Variants in IPO11 observed in about 807,000 individuals in gnomAD.
IPO11 encodes the protein importin-11.
Under a neutral mutation model 143.2 loss-of-function variants are expected in IPO11, and 66 were observed. The ratio of observed to expected loss-of-function variants is 0.46; its 90% CI spans 0.38 to 0.57. The LOEUF (loss-of-function observed/expected upper bound fraction) is 0.57, where lower values mean the gene tolerates loss of function less well. Ranked by LOEUF, IPO11 falls within the 20% of genes least tolerant of loss-of-function variation. The probability of loss-of-function intolerance (pLI) is 0.00; values close to 1 mark genes in which losing one functional copy is unlikely to be tolerated. For missense variants in IPO11, 1,026 were observed against 1,141.0 expected (o/e 0.90, Z 1.45); for synonymous variants, 385 against 377.8 (o/e 1.02, Z -0.22).
At chr5:62,462,330 A>G (rs1745389388) in intron 5 of IPO11, among the ~76,000 whole-genome samples, 1 of 152,058 alleles carries the variant, frequency 6.6e-6, no homozygotes, top group Non-Finnish European at 1.5e-5. Flanking sequence ...AACCTTTGGT[A>G]TAGTATTCAG....
At chr5:62,421,063 C>T (rs1293138990) in intron 1 of IPO11, among the ~76,000 whole-genome samples, 1 of 152,126 alleles carries the variant, frequency 6.6e-6, no homozygotes, top group East Asian at 1.9e-4. Flanking sequence ...GTAATTTTTG[C>T]TAGTCTGATC....
intron 2 of IPO11, among the ~76,000 whole-genome samples, chr5:62,439,591 CT>C (rs772635565): frequency 2.3e-3 from 325 of 140,100 alleles, no homozygotes; most frequent in Non-Finnish European, 2.5e-3. Flanking sequence ...CTGGCCCAGT[CT>C]TTTTTTTTTT....
At chr5:62,584,012 A>G (rs1561373723) in intron 27 of IPO11, among the ~76,000 whole-genome samples, 1 of 152,184 alleles carries the variant, frequency 6.6e-6, no homozygotes, top group South Asian at 2.1e-4. Flanking sequence ...GAGTATTACA[A>G]ATTGTAATTA....
intron 9 of IPO11, among the ~76,000 whole-genome samples, chr5:62,480,309 C>T (rs186462724): frequency 3.9e-5 from 6 of 152,176 alleles, no homozygotes; most frequent in South Asian, 2.1e-4. Context: ...TCTCTGTTTT[C>T]GTACCAGTAC....
intron 27 of IPO11, chr5:62,578,804 A>G: frequency 2.3e-6 from 1 of 435,786 alleles, no homozygotes; most frequent in Non-Finnish European, 4.6e-6. Context: ...AAAAAAAAAA[A>G]AAAAAAGTGG....
chr5:62,566,702 C>T (rs1743950498), intron 27 of IPO11, among the ~76,000 whole-genome samples: 1 of 148,520 alleles, frequency 6.7e-6, no homozygotes, highest in Middle Eastern at 3.6e-3. Flanking sequence ...CGTACCACTG[C>T]ACTCCAGCCT....
intron 5 of IPO11, among the ~76,000 whole-genome samples, chr5:62,464,661 A>G (rs921233916): frequency 4.6e-5 from 7 of 151,688 alleles, no homozygotes; most frequent in East Asian, 2.0e-4. Context: ...TGTACTTTTT[A>G]TAGAGACCGT....
intron 16 of IPO11, among the ~76,000 whole-genome samples, chr5:62,503,393 T>C (rs35555674): frequency 0.012 from 1,474 of 123,532 alleles, 38 homozygotes; most frequent in African/African-American, 0.036. Context: ...ATAGTATCTA[T>C]TAATATATTA....
At chr5:62,564,915 G>C (rs958768992) in intron 27 of IPO11, among the ~76,000 whole-genome samples, 1 of 152,196 alleles carries the variant, frequency 6.6e-6, no homozygotes, top group Non-Finnish European at 1.5e-5. Context: ...CCATGGTCAA[G>C]TTACTTAACT....
At chr5:62,525,423 A>G (rs1034523994) in intron 20 of IPO11, among the ~76,000 whole-genome samples, 2 of 149,458 alleles carry the variant, frequency 1.3e-5, no homozygotes, top group Non-Finnish European at 3.0e-5. Context: ...TTTATCATGT[A>G]GGTTGGAGTG....
intron 29 of IPO11, among the ~76,000 whole-genome samples, chr5:62,621,745 G>T (rs1746385011): frequency 6.6e-6 from 1 of 152,162 alleles, no homozygotes; most frequent in African/African-American, 2.4e-5. Context: ...GGAAAAGCAG[G>T]CTAAATGAAC....
intron 2 of IPO11, among the ~76,000 whole-genome samples, chr5:62,439,667 C>T (rs1744389758): frequency 6.6e-6 from 1 of 151,950 alleles, no homozygotes; most frequent in Admixed American, 6.6e-5. Flanking sequence ...AATGATCCTC[C>T]CACCTTGGCC....
At chr5:62,478,040 A>AGT (rs1406870356) in intron 9 of IPO11, among the ~76,000 whole-genome samples, 33 of 152,172 alleles carry the variant, frequency 2.2e-4, no homozygotes, top group Non-Finnish European at 4.0e-4. Flanking sequence ...AGTCAGTCTT[A>AGT]CTTTGTCTGT....
intron 3 of IPO11, among the ~76,000 whole-genome samples, chr5:62,443,636 G>T (rs247235): frequency 1.3e-4 from 20 of 149,704 alleles, no homozygotes; most frequent in Non-Finnish European, 2.5e-4. Flanking sequence ...GGATTTGGAA[G>T]AAAAAAAAAG....
chr5:62,604,995 G>A (rs765129955), intron 29 of IPO11, among the ~76,000 whole-genome samples: 2 of 152,046 alleles, frequency 1.3e-5, no homozygotes, highest in Non-Finnish European at 2.9e-5. Flanking sequence ...GACATTTTTT[G>A]AGAACTATCC....
At chr5:62,414,799 T>C (rs896566476) in intron 1 of IPO11, among the ~76,000 whole-genome samples, 10 of 152,232 alleles carry the variant, frequency 6.6e-5, no homozygotes, top group Non-Finnish European at 1.3e-4. Context: ...CTTTGGTTGG[T>C]AACAGTTGAA....
chr5:62,489,979 C>A, intron 14 of IPO11, 136 bp from the exon 15 acceptor site: 1 of 426,172 alleles, frequency 2.3e-6, no homozygotes. Flanking sequence ...ATTTCTTCTA[C>A]TTAAATTATT....
intron 20 of IPO11, among the ~76,000 whole-genome samples, chr5:62,520,763 T>G (rs562386811): frequency 6.6e-6 from 1 of 152,350 alleles, no homozygotes; most frequent in South Asian, 2.1e-4. Flanking sequence ...TTGATGGACA[T>G]TTGGGTTGGT....
At chr5:62,579,085 G>T in intron 27 of IPO11, 1 of 274,044 alleles carries the variant, frequency 3.6e-6, no homozygotes, top group East Asian at 1.0e-4. Flanking sequence ...TTGTTAAAGG[G>T]ACATATTAAA....
Sources: allele counts gnomAD v4.1 joint callset (sites outside exome capture counted in the v4.1 genomes callset), GRCh38; gene constraint gnomAD v4.1.1; transcripts MANE v1.5; gene names NCBI Gene and HGNC (gene_info 2026-07-23, HGNC 2026-07-21).